RMP24: variants seen among roughly 807,000 people sequenced by gnomAD.
RMP24 encodes the protein ribonuclease MRP protein subunit p24.
At chr18:35,974,885 TATA>T in the RMP24 span, 1 of 1,604,750 alleles carries the variant, frequency 6.2e-7, no homozygotes, top group African/African-American at 1.3e-5. Flanking sequence ...GTTTCATTTG[TATA>T]ATTTTAGATG....
chr18:35,977,345 C>A, the RMP24 span: 1 of 1,445,528 alleles, frequency 6.9e-7, no homozygotes, highest in Non-Finnish European at 9.4e-7. Flanking sequence ...TTCAATGAAC[C>A]TGTGGTTTAT....
chr18:35,975,028 G>A, the RMP24 span: 1 of 1,614,066 alleles, frequency 6.2e-7, no homozygotes. Flanking sequence ...CGAGAAGCGA[G>A]AAACTATACA....
At chr18:35,975,382 G>A in the RMP24 span, among the ~76,000 whole-genome samples, 18 of 152,158 alleles carry the variant, frequency 1.2e-4, no homozygotes, top group African/African-American at 3.4e-4. Flanking sequence ...TGAACTGACC[G>A]TTATGGCTCC....
the RMP24 span, chr18:35,972,747 C>T: frequency 6.2e-7 from 1 of 1,612,828 alleles, no homozygotes; most frequent in African/African-American, 1.3e-5. Context: ...GAAGCACTAC[C>T]TTGAGGCTGC....
At chr18:35,979,056 A>T in the RMP24 span, 2 of 1,493,896 alleles carry the variant, frequency 1.3e-6, no homozygotes, top group South Asian at 2.6e-5. Context: ...ACAACTTTTT[A>T]AACTCTTATT....
chr18:35,978,577 C>T, the RMP24 span, among the ~76,000 whole-genome samples: 1 of 152,286 alleles, frequency 6.6e-6, no homozygotes, highest in South Asian at 2.1e-4. Flanking sequence ...CGCCACTGCA[C>T]TCCAGCCTGG....
At chr18:35,972,922 TG>T in the RMP24 span, 36 of 1,614,060 alleles carry the variant, frequency 2.2e-5, no homozygotes, top group African/African-American at 4.5e-4. Context: ...GAAGAACGCC[TG>T]TCTCTTGTGC....
the RMP24 span, chr18:35,972,728 G>A: frequency 1.2e-6 from 2 of 1,608,152 alleles, no homozygotes; most frequent in Non-Finnish European, 8.5e-7. Flanking sequence ...CGGCGGCGGC[G>A]ATGAGACAGA....
At chr18:35,972,889 G>A in the RMP24 span, 16 of 1,614,140 alleles carry the variant, frequency 9.9e-6, no homozygotes, top group Admixed American at 3.3e-5. Context: ...TTACAGCTGG[G>A]CCTACACTTC....
At chr18:35,976,138 ATTTTTTTTTTTTTT>A in the RMP24 span, among the ~76,000 whole-genome samples, 1 of 72,766 alleles carries the variant, frequency 1.4e-5, no homozygotes, top group African/African-American at 5.3e-5. Context: ...TGTTTTTCTG[ATTTTTTTTTTTTTT>A]TTTTTTTTTT....
the RMP24 span, chr18:35,977,722 A>T: frequency 1.1e-6 from 1 of 941,854 alleles, no homozygotes; most frequent in Non-Finnish European, 1.5e-6. Flanking sequence ...TTTCCTCCAT[A>T]CCCTTTTCTA....
At chr18:35,978,799 G>A in the RMP24 span, 6 of 1,525,228 alleles carry the variant, frequency 3.9e-6, no homozygotes, top group South Asian at 5.2e-5. Context: ...ATTGTCATTT[G>A]TTGGTATAAC....
the RMP24 span, chr18:35,973,333 A>G: frequency 1.2e-5 from 3 of 256,122 alleles, no homozygotes; most frequent in Non-Finnish European, 2.3e-5. Context: ...CCATATACTG[A>G]GGACTTACAA....
the RMP24 span, chr18:35,973,134 C>T: frequency 3.2e-6 from 2 of 618,638 alleles, no homozygotes. Flanking sequence ...TAGTTTCCTC[C>T]CTTGGCTTCT....
the RMP24 span, chr18:35,973,970 C>T: frequency 1.3e-5 from 2 of 152,492 alleles, no homozygotes; most frequent in African/African-American, 4.8e-5. Flanking sequence ...AGTGAAAGTC[C>T]TTTAAAAGGA....
chr18:35,979,145 C>A, the RMP24 span: 1 of 825,576 alleles, frequency 1.2e-6, no homozygotes, highest in South Asian at 2.0e-5. Flanking sequence ...GAAAATACCT[C>A]ATTAGTGTGA....
chr18:35,974,300 A>G, the RMP24 span, among the ~76,000 whole-genome samples: 1 of 152,144 alleles, frequency 6.6e-6, no homozygotes, highest in Admixed American at 6.6e-5. Context: ...TATTTATTGT[A>G]TGCCTCGGTG....
At chr18:35,977,561 T>C in the RMP24 span, 19 of 1,613,840 alleles carry the variant, frequency 1.2e-5, no homozygotes, top group Non-Finnish European at 1.6e-5. Flanking sequence ...AATCATGACA[T>C]GTCTGGCTCG....
the RMP24 span, chr18:35,977,599 A>G: frequency 1.2e-6 from 2 of 1,609,462 alleles, no homozygotes; most frequent in Non-Finnish European, 1.7e-6. Flanking sequence ...ATCGGTTTTC[A>G]GGTATCTTAA....
Sources: allele counts gnomAD v4.1 joint callset (sites outside exome capture counted in the v4.1 genomes callset), GRCh38; gene constraint gnomAD v4.1.1; transcripts MANE v1.5; gene names NCBI Gene and HGNC (gene_info 2026-07-23, HGNC 2026-07-21).